Variants in LRP1B observed in about 807,000 individuals in gnomAD.
The protein encoded by LRP1B is low-density lipoprotein receptor-related protein 1B.
In LRP1B, 217 loss-of-function variants were observed where a neutral mutation model predicts 556.6. The ratio of observed to expected loss-of-function variants is 0.39; its 90% CI spans 0.35 to 0.44. The LOEUF is 0.44. Among genes scored for constraint, LRP1B ranks in the 20% least tolerant of loss-of-function variants. The pLI is 1.00. For synonymous variants in LRP1B, 2,047 were observed against 1,865.8 expected (o/e 1.10, Z -2.50); for missense variants, 5,053 against 5,620.8 (o/e 0.90, Z 3.23).
intron 41 of LRP1B, among the ~76,000 whole-genome samples, chr2:140,689,938 A>C: frequency 6.6e-6 from 1 of 152,200 alleles, no homozygotes; most frequent in Non-Finnish European, 1.5e-5. Context: ...CTATGCAGAA[A>C]ACTTTTCAGC....
chr2:141,532,562 A>G (rs917541111), intron 2 of LRP1B, among the ~76,000 whole-genome samples: 14 of 152,018 alleles, frequency 9.2e-5, no homozygotes, highest in Admixed American at 9.2e-4. Flanking sequence ...CAGAACATAT[A>G]TAAACAGTAT....
At chr2:140,638,065 T>C (rs1684133594) in intron 41 of LRP1B, among the ~76,000 whole-genome samples, 3 of 152,212 alleles carry the variant, frequency 2.0e-5, no homozygotes, top group African/African-American at 7.2e-5. Context: ...AAACGTTTGT[T>C]ACACATTATA....
chr2:140,451,139 A>C (rs1253485935), intron 62 of LRP1B, among the ~76,000 whole-genome samples: 2 of 152,130 alleles, frequency 1.3e-5, no homozygotes, highest in Non-Finnish European at 2.9e-5. Flanking sequence ...ATGAGGTTTC[A>C]CCATGTTGCC....
chr2:141,447,650 T>C (rs1681246706), intron 3 of LRP1B, among the ~76,000 whole-genome samples: 1 of 152,182 alleles, frequency 6.6e-6, no homozygotes, highest in South Asian at 2.1e-4. Context: ...TTGTTAGTTT[T>C]CCTTCTAACA....
chr2:141,074,718 A>C (rs1049555747), intron 7 of LRP1B, among the ~76,000 whole-genome samples: 1 of 151,352 alleles, frequency 6.6e-6, no homozygotes, highest in African/African-American at 2.4e-5. Context: ...TATAAGACTC[A>C]GACTTGAAGT....
chr2:140,275,516 T>C (rs12476338), intron 84 of LRP1B, among the ~76,000 whole-genome samples: 53,476 of 151,778 alleles, frequency 0.35, 10,374 homozygotes, highest in African/African-American at 0.51. Context: ...CTCATACCCC[T>C]GCACCAGACT....
intron 1 of LRP1B, among the ~76,000 whole-genome samples, chr2:141,848,064 TAG>T (rs1343565999): frequency 1.3e-5 from 2 of 151,508 alleles, no homozygotes; most frequent in African/African-American, 4.8e-5. Context: ...AAGGAGAATA[TAG>T]AGAGATGATC....
At position 142,037,036 on chromosome 2, in the gene LRP1B, C is replaced by T. The variant is rs1703905187; in HGVS notation, c.82+93612G>A. On this transcript the variant is annotated intron_variant, in intron 1 of 90. Coordinates refer to ENST00000389484, the MANE Select transcript of LRP1B (RefSeq NM_018557.3). The stretch of plus-strand genomic sequence containing the variant: ...ACAGAGGACTATGTGTAATTATGAC[C>T]TGAATGACAAAAAGGCTCGTTACTG... Among the ~76,000 whole-genome samples the T allele has an allele frequency of 2.0e-5, 3 of 151,576 alleles. No homozygotes were observed. The Admixed American group carries it at 2.0e-4, about 10-fold the overall frequency.
chr2:141,143,086 G>A (rs1701696546), intron 7 of LRP1B, among the ~76,000 whole-genome samples: 2 of 151,766 alleles, frequency 1.3e-5, no homozygotes, highest in South Asian at 2.1e-4. Context: ...GTGCTACCAC[G>A]CCTGGCTAAT....
intron 7 of LRP1B, among the ~76,000 whole-genome samples, chr2:141,171,140 G>T (rs1019105998): frequency 2.0e-5 from 3 of 151,930 alleles, no homozygotes; most frequent in African/African-American, 4.8e-5. Flanking sequence ...TCTTGCCTTG[G>T]TGTGTTAACA....
intron 27 of LRP1B, among the ~76,000 whole-genome samples, chr2:140,858,292 TA>T (rs1040166104): frequency 6.6e-6 from 1 of 151,890 alleles, no homozygotes; most frequent in African/African-American, 2.4e-5. Flanking sequence ...TTCTGCATTT[TA>T]AAATAGGATA....
At chr2:141,370,498 G>A (rs187077696) in intron 3 of LRP1B, among the ~76,000 whole-genome samples, 1 of 152,110 alleles carries the variant, frequency 6.6e-6, no homozygotes, top group African/African-American at 2.4e-5. Context: ...GGGATTATTT[G>A]GGGTTGTTTT....
intron 16 of LRP1B, among the ~76,000 whole-genome samples, chr2:140,989,883 A>C (rs938915852): frequency 2.0e-5 from 3 of 152,134 alleles, no homozygotes; most frequent in Non-Finnish European, 4.4e-5. Context: ...AATAAAAGGA[A>C]ATGTATTCTT....
At chr2:142,114,997 C>T (rs771846851) in intron 1 of LRP1B, among the ~76,000 whole-genome samples, 72 of 151,770 alleles carry the variant, frequency 4.7e-4, no homozygotes, top group East Asian at 5.8e-4. Context: ...CAAAATATGA[C>T]GTGTCCATAA....
intron 41 of LRP1B, among the ~76,000 whole-genome samples, chr2:140,634,708 T>G (rs1684011149): frequency 6.6e-6 from 1 of 151,916 alleles, no homozygotes; most frequent in Admixed American, 6.6e-5. Context: ...AGTCTTAGCA[T>G]GAGAAAAAAA....
intron 2 of LRP1B, among the ~76,000 whole-genome samples, chr2:141,771,060 T>G (rs1202117656): frequency 2.0e-5 from 3 of 152,228 alleles, no homozygotes; most frequent in Non-Finnish European, 2.9e-5. Flanking sequence ...ATTCAATTGT[T>G]ATCCCCTCAA....
intron 87 of LRP1B, among the ~76,000 whole-genome samples, chr2:140,243,927 C>A (rs2104893131): frequency 6.6e-6 from 1 of 151,472 alleles, no homozygotes; most frequent in African/African-American, 2.4e-5. Flanking sequence ...CTATCTTTGC[C>A]CTTTTTATCT....
chr2:141,049,699 A>G (rs1291581859), intron 10 of LRP1B, among the ~76,000 whole-genome samples: 1 of 152,140 alleles, frequency 6.6e-6, no homozygotes, highest in Non-Finnish European at 1.5e-5. Flanking sequence ...AAAGAATCAT[A>G]TAGTATCACT....
chr2:141,597,482 A>G (rs1687566630), intron 2 of LRP1B, among the ~76,000 whole-genome samples: 1 of 152,020 alleles, frequency 6.6e-6, no homozygotes, highest in Non-Finnish European at 1.5e-5. Flanking sequence ...TCACATCCTA[A>G]TGGTCAACTC....
Sources: allele counts gnomAD v4.1 joint callset (sites outside exome capture counted in the v4.1 genomes callset), GRCh38; gene constraint gnomAD v4.1.1; transcripts MANE v1.5; gene names NCBI Gene and HGNC (gene_info 2026-07-23, HGNC 2026-07-21).